The following EHBP1L1 variants were observed in gnomAD, a reference collection of about 807,000 sequenced individuals.
EHBP1L1 encodes the protein EH domain-binding protein 1-like protein 1.
A neutral mutation model predicts 151.1 loss-of-function variants in EHBP1L1; 122 were observed. The observed-to-expected ratio is 0.81, with a 90% CI of 0.70 to 0.94. The LOEUF (loss-of-function observed/expected upper bound fraction) is 0.94. EHBP1L1 is among the 40% of genes least tolerant of loss of function. The pLI, the probability that EHBP1L1 is intolerant of heterozygous loss-of-function variation, is 0.00. For missense variants in EHBP1L1, 1,941 were observed against 1,959.8 expected, an observed-to-expected ratio of 0.99 and a Z score of 0.18; for synonymous variants, 878 against 810.1, an observed-to-expected ratio of 1.08 and a Z score of -1.42.
rs151128543 is a variant in EHBP1L1 at position 65,581,507 on chromosome 11, C to G, written c.867-32C>G. The G allele has an allele frequency of 9.2e-4, 1,307 of 1,426,816 alleles. 15 individuals carry two copies. In the African/African-American group the frequency reaches 0.017, roughly 18 times the overall value. 88.4% of individuals were successfully genotyped at this position (1,426,816 alleles called of 1,614,324 possible). A position where few individuals can be genotyped will look rare whatever the true frequency, so the allele number is the denominator to read the frequency against. Reference sequence around the variant, plus strand: ...GTGCTGAGAGTTGGGGCCAAAGCAGCCCCCCAACTCCCCCTCCTGCTCTCT... The same window carrying G: ...GTGCTGAGAGTTGGGGCCAAAGCAGGCCCCCAACTCCCCCTCCTGCTCTCT... On this transcript the variant is annotated intron_variant, in intron 8 of 18. Coordinates refer to ENST00000309295, the MANE Select transcript of EHBP1L1 (RefSeq NM_001099409.3).
rs1334202554 is a variant in EHBP1L1, at chr11:65,584,489, CTA to C, written c.3257_3258del (p.Tyr1086CysfsTer231). On this transcript the variant is annotated frameshift_variant, in exon 11 of 19. Coordinates refer to ENST00000309295, the MANE Select transcript of EHBP1L1 (RefSeq NM_001099409.3). LOFTEE classifies it high-confidence loss of function. Reference sequence around the variant, plus strand: ...CTGACCAGCACACTCTCTGCAGTGACTATGCCTCGCTAGACCCACTCAACATC... The same window carrying C: ...CTGACCAGCACACTCTCTGCAGTGACTGCCTCGCTAGACCCACTCAACATC... The part of the protein sequence containing the change: ...LHRFYPDKID[Y>X]ASLDPLNIKQ... 6.2e-7 allele frequency: 1 copy of C among 1,613,102 alleles called. No individual in the cohort carries two copies.
rs184817605 is a variant in EHBP1L1 at position 65,583,087 on chromosome 11, G to A, written c.2415G>A (p.Glu805=). The part of the protein sequence containing the change: ...GIQVKEVGGS[E]VPEIATGTAE... ...AGGTGAAAGAGGTTGGGGGTTCAGA[G>A]GTTCCAGAGATAGCGACTGGGACAG... is the stretch of plus-strand genomic sequence containing the variant. Residue 805 remains glutamate, a synonymous_variant, in exon 9 of 19, where the codon GAG becomes GAA. Transcript: ENST00000309295. 3.8e-5 allele frequency: 62 copies of A among 1,613,476 alleles called. No homozygotes were observed. The African/African-American group carries it at 6.7e-4, about 17-fold the overall frequency.
Position 65,590,211 on chromosome 11 carries a change from G to A in EHBP1L1, c.4183+1G>A, listed in dbSNP as rs1419563123. On this transcript the variant is annotated splice_donor_variant, in intron 15 of 18. Transcript: ENST00000309295. LOFTEE classifies it high-confidence loss of function. ...CAGCTGAGGAGCCTCATGGAGTCAG[G>A]TGGGGCATACATCTAGGGATCCCTT... 8 of 1,613,102 alleles carry A rather than the reference G, an allele frequency of 5.0e-6. No individual in the cohort carries two copies. Among genetic ancestry groups the A allele is most frequent in the South Asian group, 4.4e-5 (4 of 90,866 alleles).
chr11:65,589,676 G>T, intron 12 of EHBP1L1, 75 bp from the exon 13 acceptor site: 2 of 1,461,346 alleles, frequency 1.4e-6, no homozygotes, highest in South Asian at 1.4e-5. Context: ...CCCTCTGTAT[G>T]AGTGGCTCTG....
At chr11:65,584,080 TAGAA>T in intron 9 of EHBP1L1, 157 bp from the exon 10 acceptor site, 1 of 1,461,784 alleles carries the variant, frequency 6.8e-7, no homozygotes, top group Non-Finnish European at 8.9e-7. Context: ...ACCCTGGATC[TAGAA>T]ACCCTTTTAC....
Position 65,576,110 on chromosome 11 carries a change from G to C in EHBP1L1, c.-193G>C, listed in dbSNP as rs1857311049. The C allele has an allele frequency of 2.7e-6, 1 of 367,338 alleles. No homozygotes were observed. Among genetic ancestry groups the C allele is most frequent in the Non-Finnish European group, 4.7e-6 (1 of 212,048 alleles). The allele number at this position is 367,338 out of a possible 1,614,324, so 22.8% of individuals were successfully genotyped here. A position where few individuals can be genotyped will look rare whatever the true frequency, so the allele number is the denominator to read the frequency against. ...CACCCGACGCGCCCCAGGCGACCCC[G>C]CAGACTCAGCCAGACCACCCTGCGG... On this transcript the variant is annotated 5_prime_UTR_variant, in exon 1 of 19. Transcript: ENST00000309295.
rs768976278 is a variant in EHBP1L1, at chr11:65,582,777, A to G, written c.2105A>G (p.Gln702Arg). 1 of 1,613,692 alleles carries G rather than the reference A, an allele frequency of 6.2e-7. No individual in the cohort carries two copies. The highest frequency in any genetic ancestry group is 2.2e-5 in the East Asian group (1 of 44,894). ...DTIQSEMLGT[Q>R]ETEVEASRVP... ...ATACAGTCTGAGATGCTGGGGACCC[A>G]GGAGACAGAGGTGGAAGCTTCTAGG... is the stretch of plus-strand genomic sequence containing the variant. Residue 702 changes from glutamine (Q) to arginine (R), a missense_variant, in exon 9 of 19, where the codon CAG becomes CGG. By Grantham distance (43) the Gln-to-Arg change is conservative. Transcript: ENST00000309295.
Position 65,590,090 on chromosome 11 carries a change from C to G in EHBP1L1, c.4063C>G (p.Arg1355Gly), listed in dbSNP as rs765355565. The change falls in exon 15 of 19, where the codon CGG becomes GGG. Residue 1355 changes from arginine to glycine, a missense_variant. Coordinates refer to ENST00000309295, the MANE Select transcript of EHBP1L1 (RefSeq NM_001099409.3). ...TCTCTGCCTTTTCCACCCCCAGCAA[C>G]GGTTCCAGGACACAAGTCAGTACGT... ...PSPGEEAGLQ[R>G]FQDTSQYVCA... The G allele has an allele frequency of 5.0e-6, 8 of 1,613,736 alleles. No individual in the cohort carries two copies. Among genetic ancestry groups the G allele is most frequent in the Admixed American group, 1.7e-5 (1 of 59,978 alleles).
Position 65,592,292 on chromosome 11 carries a change from T to C in EHBP1L1, c.4562T>C (p.Val1521Ala). 4 of 1,515,000 alleles carry C rather than the reference T, an allele frequency of 2.6e-6. No homozygotes were observed. Among genetic ancestry groups the C allele is most frequent in the Non-Finnish European group, 3.5e-6 (4 of 1,138,734 alleles). 93.8% of individuals were successfully genotyped at this position (1,515,000 alleles called of 1,614,324 possible). The change falls in exon 19 of 19, where the codon GTG becomes GCG. Residue 1521 changes from valine (V) to alanine (A), a missense_variant. Transcript: ENST00000309295. The stretch of plus-strand genomic sequence containing the variant: ...CAGTTGAGCCGGCGGGAGCGCTGCG[T>C]GCTGAGCTGAGGCCGCCGGCCCGGG... The part of the protein sequence containing the change: ...SRQLSRRERC[V>A]LS
chr11:65,582,768 T>G lies in EHBP1L1; in HGVS notation c.2096T>G (p.Leu699Arg), dbSNP rs1565124685. 1 of 1,613,644 alleles carries G rather than the reference T, an allele frequency of 6.2e-7. No individual in the cohort carries two copies. Among genetic ancestry groups the G allele is most frequent in the Non-Finnish European group, 8.5e-7 (1 of 1,179,844 alleles). Residue 699 changes from leucine to arginine, a missense_variant, in exon 9 of 19, where the codon CTG becomes CGG. Transcript: ENST00000309295. Reference protein sequence around the residue: ...KIEDTIQSEMLGTQETEVEAS... With the variant: ...KIEDTIQSEMRGTQETEVEAS... Reference sequence around the variant, plus strand: ...GAAGATACAATACAGTCTGAGATGCTGGGGACCCAGGAGACAGAGGTGGAA... The same window carrying G: ...GAAGATACAATACAGTCTGAGATGCGGGGGACCCAGGAGACAGAGGTGGAA...
rs756915922 is a variant in EHBP1L1 at position 65,581,180 on chromosome 11, C to T, written c.704-31C>T. ...AGACTGGACCCCAGGTCACTGGGCC[C>T]AGGCCACAGTGTCCCCCTCTTTCTT... On this transcript the variant is annotated intron_variant, in intron 7 of 18. Coordinates refer to ENST00000309295, the MANE Select transcript of EHBP1L1 (RefSeq NM_001099409.3). 3 of 1,611,046 alleles carry T rather than the reference C, an allele frequency of 1.9e-6. No individual in the cohort carries two copies. In the East Asian group the frequency reaches 6.7e-5, roughly 36 times the overall value.
rs749884229 is a variant in EHBP1L1, at chr11:65,582,986, G to A, written c.2314G>A (p.Ala772Thr). The part of the protein sequence containing the change: ...LGIETGAAEG[A>T]ILGTQEIASR... ...AATAGAGACTGGGGCAGCAGAAGGTGCGATATTGGGGACCCAAGAGATAGC... is the reference window on the plus strand; with the variant it reads ...AATAGAGACTGGGGCAGCAGAAGGTACGATATTGGGGACCCAAGAGATAGC... The change falls in exon 9 of 19, where the codon GCG becomes ACG. Residue 772 changes from alanine (A) to threonine (T), a missense_variant. Transcript: ENST00000309295. The A allele has an allele frequency of 6.2e-6, 10 of 1,613,120 alleles. No homozygotes were observed. Among genetic ancestry groups the A allele is most frequent in the Middle Eastern group, 1.6e-4 (1 of 6,062 alleles).
rs1414692399 is a variant in EHBP1L1, at chr11:65,585,135, G to A, written c.3477G>A (p.Thr1159=). Residue 1159 remains threonine, a synonymous_variant, in exon 12 of 19, where the codon ACG becomes ACA. Coordinates refer to ENST00000309295, the MANE Select transcript of EHBP1L1 (RefSeq NM_001099409.3). The surrounding 1 kb of genome is among the most constrained non-coding windows in gnomAD (Gnocchi z 4.0). The stretch of plus-strand genomic sequence containing the variant: ...TGGAGGGCGGCGGCGGCGCCGGCAC[G>A]TACCGCGTGGGCAGCGCCCAGCCCA... ...VQLEGGGGAG[T]YRVGSAQPSP... is the part of the protein sequence containing the mutation. 3.4e-6 allele frequency: 5 copies of A among 1,475,174 alleles called. No individual in the cohort carries two copies. The highest frequency in any genetic ancestry group is 1.3e-5 in the South Asian group (1 of 77,760). 91.4% of individuals were successfully genotyped at this position (1,475,174 alleles called of 1,614,324 possible). A position where few individuals can be genotyped will look rare whatever the true frequency, so the allele number is the denominator to read the frequency against.
intron 15 of EHBP1L1, 62 bp downstream of exon 15, chr11:65,590,272 A>C (rs1858201754): frequency 2.8e-5 from 45 of 1,595,438 alleles, no homozygotes; most frequent in Non-Finnish European, 3.8e-5. Context: ...CCAGCCCTGC[A>C]GCTGTTCCTG....
chr11:65,589,401 G>C (rs1385248874), intron 12 of EHBP1L1, among the ~76,000 whole-genome samples: 1 of 152,160 alleles, frequency 6.6e-6, no homozygotes, highest in Non-Finnish European at 1.5e-5. Flanking sequence ...CAAAAAAAGA[G>C]AGTAGGGAGG....
rs374768138 is a variant in EHBP1L1 at position 65,580,147 on chromosome 11, G to A, written c.379G>A (p.Val127Met). 1.1e-4 allele frequency: 177 copies of A among 1,613,526 alleles called. No homozygotes were observed. Among genetic ancestry groups the A allele is most frequent in the Admixed American group, 3.5e-4 (21 of 59,992 alleles). The change falls in exon 5 of 19, where the codon GTG (valine) becomes ATG (methionine). Residue 127 changes from valine to methionine, a missense_variant. Transcript: ENST00000309295. ...GGACCTGGCCCGCCATGCAGGGCCC[G>A]TGCCTGTCCAAGTCCCAGTGAGGCT... ...EVDLARHAGP[V>M]PVQVPVRLRL... is the part of the protein sequence containing the mutation.
In EHBP1L1 at chr11:65,584,973, C is replaced by T; in HGVS notation, c.3315C>T (p.Phe1105=). The change falls in exon 12 of 19, where the codon TTC becomes TTT. Residue 1105 remains phenylalanine, a synonymous_variant. Coordinates refer to ENST00000309295, the MANE Select transcript of EHBP1L1 (RefSeq NM_001099409.3). ...KQNNKQAFDG[F]AALGVSRLLE... is the part of the protein sequence containing the mutation. ...CCTTCCCCTAGGCCTTCGATGGCTTCGCGGCTCTGGGCGTGTCGCGGCTGC... is the reference window on the plus strand; with the variant it reads ...CCTTCCCCTAGGCCTTCGATGGCTTTGCGGCTCTGGGCGTGTCGCGGCTGC... The T allele has an allele frequency of 1.3e-6, 2 of 1,533,682 alleles. No individual in the cohort carries two copies. The highest frequency in any genetic ancestry group is 1.7e-6 in the Non-Finnish European group (2 of 1,145,854).
chr11:65,585,389 G>A lies in EHBP1L1; in HGVS notation c.3731G>A (p.Gly1244Glu), dbSNP rs1218086940. 2 of 1,303,114 alleles carry A rather than the reference G, an allele frequency of 1.5e-6. No individual in the cohort carries two copies. Among genetic ancestry groups the A allele is most frequent in the Non-Finnish European group, 9.7e-7 (1 of 1,029,658 alleles). The allele number at this position is 1,303,114 out of a possible 1,614,324, so 80.7% of individuals were successfully genotyped here. A position where few individuals can be genotyped will look rare whatever the true frequency, so the allele number is the denominator to read the frequency against. The change falls in exon 12 of 19, where the codon GGG becomes GAG. Residue 1244 changes from glycine to glutamate, a missense_variant. Gly to Glu is a moderately conservative substitution (Grantham distance 98). Coordinates refer to ENST00000309295, the MANE Select transcript of EHBP1L1 (RefSeq NM_001099409.3). The surrounding 1 kb of genome is among the most constrained non-coding windows in gnomAD (Gnocchi z 4.0). ...VPAEGLVNGA[G>E]APGGGGVRLR... The stretch of plus-strand genomic sequence containing the variant: ...GCCGAGGGGCTGGTGAACGGGGCGG[G>A]GGCACCGGGCGGCGGCGGCGTGAGG...
At chr11:65,581,410 CT>C (rs1378779207) in intron 8 of EHBP1L1, 37 bp downstream of exon 8, 10 of 1,492,204 alleles carry the variant, frequency 6.7e-6, no homozygotes, top group African/African-American at 1.4e-5. Flanking sequence ...CCATTGCCCC[CT>C]GATAGGAGCT....
Sources: gnomAD v4.1 joint callset for allele counts (sites outside exome capture counted in the v4.1 genomes callset) on GRCh38, gnomAD v4.1.1 for gene constraint, Gnocchi (gnomAD v3.1) non-coding constraint, MANE v1.5 for transcripts, NCBI Gene and HGNC (gene_info 2026-07-23, HGNC 2026-07-21) for gene names.